Variants in KAZN observed in about 807,000 individuals in gnomAD.
KAZN encodes kazrin, periplakin interacting protein.
KAZN carries 40 observed loss-of-function variants against 87.4 expected under a neutral mutation model. The ratio of observed to expected loss-of-function variants is 0.46; its 90% confidence interval spans 0.36 to 0.60. The LOEUF (loss-of-function observed/expected upper bound fraction) is 0.60, where lower values mean the gene tolerates loss of function less well. Among genes scored for constraint, KAZN ranks in the 20% least tolerant of loss-of-function variants. The pLI is 0.00. For missense variants in KAZN, 898 were observed against 1,073.9 expected (o/e 0.84, Z 2.29); for synonymous variants, 466 against 458.3 (o/e 1.02, Z -0.22).
At position 14,779,335 on chromosome 1, in the gene KAZN, GC is replaced by G. The variant is rs1371658251; in HGVS notation, c.226+180118del. ...ATCCTGCCACTAGGAGGCAGTGTGGGCCCCCCGGCTTCCCTCTGGGGCTTTT... is the reference window on the plus strand; with the variant it reads ...ATCCTGCCACTAGGAGGCAGTGTGGGCCCCCGGCTTCCCTCTGGGGCTTTT... On this transcript the variant is annotated intron_variant, in intron 1 of 14. Transcript: ENST00000376030. Among the ~76,000 whole-genome samples, 8 of 152,126 alleles carry G rather than the reference GC, an allele frequency of 5.3e-5. No individual in the cohort carries two copies. In the East Asian group the frequency reaches 5.8e-4, roughly 11 times the overall value.
At chr1:14,598,326 T>A (rs1415414360), upstream of KAZN, among the ~76,000 whole-genome samples, 1 of 152,016 alleles carries the variant, frequency 6.6e-6, no homozygotes, top group Non-Finnish European at 1.5e-5. This position sits in a 1 kb window ranked among gnomAD's most constrained non-coding sequence, Gnocchi z 4.2. Context: ...TCCATGGAGA[T>A]CCACCCCGGC....
chr1:14,715,445 C>T (rs1298393036), intron 1 of KAZN, among the ~76,000 whole-genome samples: 2 of 152,320 alleles, frequency 1.3e-5, no homozygotes. Context: ...AGCCTGGCAG[C>T]GAAGCTGTTT....
chr1:14,951,520 A>C (rs1409775847), intron 1 of KAZN, among the ~76,000 whole-genome samples: 2 of 151,670 alleles, frequency 1.3e-5, no homozygotes, highest in Non-Finnish European at 2.9e-5. Context: ...TCTGTCACCC[A>C]GGCTGGGATG....
Position 14,923,124 on chromosome 1 carries a change from T to C in KAZN, c.227-37560T>C, listed in dbSNP as rs973175738. On this transcript the variant is annotated intron_variant, in intron 1 of 14. Transcript: ENST00000376030. This position sits in a 1 kb window ranked among gnomAD's most constrained non-coding sequence, Gnocchi z 4.2. ...GAGCCTCAGATTATAGAGCCAAGCC[T>C]GGGCAGGGTAAGGTTGCTAGCATGC... Among the ~76,000 whole-genome samples, 1 of 152,142 alleles carries C rather than the reference T, an allele frequency of 6.6e-6. No homozygotes were observed. The highest frequency in any genetic ancestry group is 6.5e-5 in the Admixed American group (1 of 15,272).
chr1:14,835,717 C>T (rs1348236950), intron 1 of KAZN, among the ~76,000 whole-genome samples: 1 of 152,128 alleles, frequency 6.6e-6, no homozygotes, highest in Non-Finnish European at 1.5e-5. Flanking sequence ...TTCCAGGGCC[C>T]CTTTTGTCCC....
intron 2 of KAZN, among the ~76,000 whole-genome samples, chr1:14,557,929 T>A (rs1674011050): frequency 6.6e-6 from 1 of 152,072 alleles, no homozygotes; most frequent in Non-Finnish European, 1.5e-5. Context: ...ATTATTGACC[T>A]TCATAAACCC....
Position 14,915,474 on chromosome 1 carries a change from T to C in KAZN, c.227-45210T>C, listed in dbSNP as rs544580962. Among the ~76,000 whole-genome samples, 227 of 152,166 alleles carry C rather than the reference T, an allele frequency of 1.5e-3. 2 individuals are homozygous for C. Among genetic ancestry groups the C allele is most frequent in the Non-Finnish European group, 2.7e-3 (184 of 67,990 alleles). On this transcript the variant is annotated intron_variant, in intron 1 of 14. Coordinates refer to ENST00000376030, the MANE Select transcript of KAZN (RefSeq NM_201628.3). ...AGTCTGAAAATTGCAATGGTGAACA[T>C]AGTGTCACGATTCCCAGAGCCAAGG...
At chr1:14,956,550 G>A (rs1373879508) in intron 1 of KAZN, among the ~76,000 whole-genome samples, 2 of 151,614 alleles carry the variant, frequency 1.3e-5, no homozygotes, top group East Asian at 1.9e-4. Context: ...AGGTTGTAGT[G>A]AGCTGAGATC....
rs572023600 is a variant in KAZN, at chr1:14,742,336, T to C, written c.226+143113T>C. On this transcript the variant is annotated intron_variant, in intron 1 of 14. Transcript: ENST00000376030. Reference sequence around the variant, plus strand: ...ACTCTGCCTAGGTCTGTGTTATTCATGAATGTGTCCCTCCCACTTAAGAGC... The same window carrying C: ...ACTCTGCCTAGGTCTGTGTTATTCACGAATGTGTCCCTCCCACTTAAGAGC... 5.3e-5 allele frequency among the ~76,000 whole-genome samples: 8 copies of C among 152,320 alleles called. No individual in the cohort carries two copies. In the East Asian group the frequency reaches 1.4e-3, roughly 26 times the overall value.
At chr1:14,844,226 C>T (rs1648391576) in intron 1 of KAZN, among the ~76,000 whole-genome samples, 1 of 152,190 alleles carries the variant, frequency 6.6e-6, no homozygotes, top group Non-Finnish European at 1.5e-5. Context: ...AGCTCCTGCC[C>T]TAGCCTGTAC....
intron 2 of KAZN, among the ~76,000 whole-genome samples, chr1:15,009,503 A>G (rs1669371298): frequency 6.6e-6 from 1 of 152,202 alleles, no homozygotes. Flanking sequence ...ACGTGCTTCC[A>G]CAGCTGCAAT....
At chr1:13,977,451 T>A (rs1032413406) in intron 1 of KAZN, among the ~76,000 whole-genome samples, 1 of 152,226 alleles carries the variant, frequency 6.6e-6, no homozygotes, top group African/African-American at 2.4e-5. Flanking sequence ...TAAGCCTTCC[T>A]TCTGTCTGAG....
Position 14,929,904 on chromosome 1 carries a change from T to G in KAZN, c.227-30780T>G, listed in dbSNP as rs1000298652. ...GACTCCAGGCTTTCTCTCGTCTGCT[T>G]TTTGGATGCCTTCAAGAGAGGCCAG... On this transcript the variant is annotated intron_variant, in intron 1 of 14. Transcript: ENST00000376030. The G allele has an allele frequency of 1.5e-5, 15 of 985,318 alleles. No individual in the cohort carries two copies. The African/African-American group carries it at 2.6e-4, about 17-fold the overall frequency. The allele number at this position is 985,318 out of a possible 1,614,324, so 61.0% of individuals were successfully genotyped here.
intron 2 of KAZN, among the ~76,000 whole-genome samples, chr1:14,414,073 C>T (rs1664542264): frequency 2.0e-5 from 3 of 152,098 alleles, no homozygotes; most frequent in Admixed American, 6.5e-5. Context: ...GTCCAAGGCC[C>T]ATAACATGCT....
At chr1:14,887,957 A>C (rs1654273169) in intron 1 of KAZN, among the ~76,000 whole-genome samples, 1 of 152,040 alleles carries the variant, frequency 6.6e-6, no homozygotes, top group South Asian at 2.1e-4. Flanking sequence ...AATAAATAAA[A>C]GAAAGAGAAG....
At position 14,376,982 on chromosome 1, in the gene KAZN, T is replaced by A. The variant is rs143293073; in HGVS notation, c.249+196390T>A. Among the ~76,000 whole-genome samples the A allele has an allele frequency of 2.8e-3, 420 of 152,334 alleles. 2 individuals carry two copies. The highest frequency in any genetic ancestry group is 0.017 in the Middle Eastern group (5 of 294). On this transcript the variant is annotated intron_variant, in intron 2 of 16. Transcript: ENST00000636203. Reference sequence around the variant, plus strand: ...AGTACCAAATAGGATTTGTTTAATATCAAGATCTTTCCTATCAGCCAGACA... The same window carrying A: ...AGTACCAAATAGGATTTGTTTAATAACAAGATCTTTCCTATCAGCCAGACA...
chr1:14,170,194 G>A lies in KAZN; in HGVS notation c.92-10241G>A, dbSNP rs554697488. On this transcript the variant is annotated intron_variant, in intron 1 of 16. Transcript: ENST00000636203. ...GCCCAATTCAGGCACCACGTGGCTG[G>A]GACTTCTAGCCACACATGGTGGTTT... Among the ~76,000 whole-genome samples the A allele has an allele frequency of 2.0e-5, 3 of 152,224 alleles. No homozygotes were observed. The East Asian group carries it at 5.8e-4, about 29-fold the overall frequency.
intron 1 of KAZN, among the ~76,000 whole-genome samples, chr1:14,904,893 C>T (rs1422373276): frequency 1.3e-5 from 2 of 152,184 alleles, no homozygotes; most frequent in African/African-American, 4.8e-5. Context: ...TCCCAAGTAG[C>T]TGGAACTACA....
intron 1 of KAZN, among the ~76,000 whole-genome samples, chr1:14,070,045 TG>T (rs1241330354): frequency 6.6e-6 from 1 of 151,882 alleles, no homozygotes; most frequent in African/African-American, 2.4e-5. Flanking sequence ...GGTGTGTGCC[TG>T]TAGTCCCAGC....
Sources: allele counts gnomAD v4.1 joint callset (sites outside exome capture counted in the v4.1 genomes callset), GRCh38; gene constraint gnomAD v4.1.1; non-coding constraint Gnocchi (gnomAD v3.1); transcripts MANE v1.5; gene names NCBI Gene and HGNC (gene_info 2026-07-23, HGNC 2026-07-21).